Variants in MREG observed in about 807,000 individuals in gnomAD.
MREG encodes melanoregulin, also known as dilute suppressor protein homolog.
A neutral mutation model predicts 28.5 loss-of-function variants in MREG; 31 were observed. That is an observed-to-expected ratio of 1.09 (90% CI 0.82 to 1.47). The LOEUF (loss-of-function observed/expected upper bound fraction) is 1.47, where lower values mean the gene tolerates loss of function less well. Ranked by LOEUF, MREG falls within the 40% of genes most tolerant of loss-of-function variation. The pLI, the probability that MREG is intolerant of heterozygous loss-of-function variation, is 0.00. For synonymous variants in MREG, 106 were observed against 95.2 expected, an observed-to-expected ratio of 1.11 and a Z score of -0.66; for missense variants, 256 against 257.4, an observed-to-expected ratio of 0.99 and a Z score of 0.04.
At chr2:215,957,973 G>A (rs901057481) in intron 2 of MREG, among the ~76,000 whole-genome samples, 2 of 152,028 alleles carry the variant, frequency 1.3e-5, no homozygotes, top group African/African-American at 4.8e-5. Flanking sequence ...GGCTGAAGCT[G>A]GAAACCATCA....
At position 215,947,093 on chromosome 2, in the gene MREG, A is replaced by G. The variant is rs375479844; in HGVS notation, c.276T>C (p.Tyr92=). The change falls in exon 3 of 5, where the codon TAT becomes TAC. Residue 92 remains tyrosine (Y), a synonymous_variant. Transcript: ENST00000263268. ...GAACCTGCCGCAGGGTATGGATATC[A>G]TAGTTGAGCTTCTGCCACTCCTGCA... ...KDSEEWQKLN[Y]DIHTLRQVRR... 3.1e-6 allele frequency: 5 copies of G among 1,612,552 alleles called. No individual in the cohort carries two copies. Among genetic ancestry groups the G allele is most frequent in the Non-Finnish European group, 4.2e-6 (5 of 1,178,976 alleles).
Position 215,949,367 on chromosome 2 carries a change from C to T in MREG, c.256-2254G>A, listed in dbSNP as rs944392280. Among the ~76,000 whole-genome samples the T allele has an allele frequency of 4.0e-5, 6 of 151,744 alleles. No homozygotes were observed. In the East Asian group the frequency reaches 1.2e-3, roughly 29 times the overall value. On this transcript the variant is annotated intron_variant, in intron 2 of 4. Transcript: ENST00000263268. ...TTGAGGTCAGGAGTTTGAGACCAGCCTAGTCACTACGGTGAAACCCCGTCT... is the reference window on the plus strand; with the variant it reads ...TTGAGGTCAGGAGTTTGAGACCAGCTTAGTCACTACGGTGAAACCCCGTCT...
intron 2 of MREG, among the ~76,000 whole-genome samples, chr2:215,995,381 T>A (rs1024048004): frequency 6.6e-6 from 1 of 152,154 alleles, no homozygotes; most frequent in Non-Finnish European, 1.5e-5. Context: ...CCGGGACACA[T>A]GACACTTCTA....
intron 1 of MREG, among the ~76,000 whole-genome samples, chr2:216,011,009 T>C (rs184373915): frequency 6.7e-6 from 1 of 148,400 alleles, no homozygotes; most frequent in Non-Finnish European, 1.5e-5. Flanking sequence ...GGCAGGAGAA[T>C]GGTGTCAGCC....
At chr2:216,004,104 C>T (rs1223578174) in intron 1 of MREG, among the ~76,000 whole-genome samples, 20 of 152,168 alleles carry the variant, frequency 1.3e-4, no homozygotes, top group Admixed American at 1.3e-3. Flanking sequence ...TCAAGTCACA[C>T]TTTGACCTCA....
intron 2 of MREG, among the ~76,000 whole-genome samples, chr2:215,990,519 T>C (rs1007509095): frequency 6.6e-6 from 1 of 152,192 alleles, no homozygotes; most frequent in Non-Finnish European, 1.5e-5. Flanking sequence ...AGCATCATAA[T>C]GATGGGATCA....
At chr2:216,013,009 C>T (rs564172911) in intron 1 of MREG, among the ~76,000 whole-genome samples, 1 of 152,338 alleles carries the variant, frequency 6.6e-6, no homozygotes, top group South Asian at 2.1e-4. Context: ...AGACATCCAG[C>T]TGGGTCTCAG....
In MREG at chr2:215,980,656, G is replaced by A. The variant is rs183963502; in HGVS notation, c.255+15650C>T. Among the ~76,000 whole-genome samples, 427 of 152,246 alleles carry A rather than the reference G, an allele frequency of 2.8e-3. 2 individuals carry two copies. Among genetic ancestry groups the A allele is most frequent in the Non-Finnish European group, 4.9e-3 (333 of 68,002 alleles). ...TTAAGAAAAGTGATAGAGGCTGGGC[G>A]CAGTGGCTCATGCCTGTAATCCCAG... is the stretch of plus-strand genomic sequence containing the variant. On this transcript the variant is annotated intron_variant, in intron 2 of 4. Coordinates refer to ENST00000263268, the MANE Select transcript of MREG (RefSeq NM_018000.3).
intron 1 of MREG, among the ~76,000 whole-genome samples, chr2:216,022,378 T>C (rs1226846770): frequency 6.6e-6 from 1 of 152,154 alleles, no homozygotes; most frequent in Non-Finnish European, 1.5e-5. Flanking sequence ...GTTCCTACCA[T>C]GTGCTCTTCC....
chr2:215,974,258 C>T (rs1574616099), intron 2 of MREG, among the ~76,000 whole-genome samples: 5 of 152,220 alleles, frequency 3.3e-5, no homozygotes, highest in Admixed American at 1.3e-4. Context: ...ACCTGGCACC[C>T]AAAGGAAAGG....
chr2:215,982,460 G>C (rs150605975), intron 2 of MREG, among the ~76,000 whole-genome samples: 7 of 152,072 alleles, frequency 4.6e-5, no homozygotes, highest in African/African-American at 1.7e-4. Context: ...ACAGACCGAT[G>C]AACAGAACAT....
At chr2:215,999,973 A>G (rs1693972654) in intron 1 of MREG, among the ~76,000 whole-genome samples, 1 of 152,236 alleles carries the variant, frequency 6.6e-6, no homozygotes, top group Non-Finnish European at 1.5e-5. Flanking sequence ...AAGGAAGAGA[A>G]TAGGTGAGTC....
chr2:215,980,615 T>A (rs925747446), intron 2 of MREG, among the ~76,000 whole-genome samples: 1 of 152,130 alleles, frequency 6.6e-6, no homozygotes, highest in African/African-American at 2.4e-5. Flanking sequence ...TATTTTTTTA[T>A]TGAGCAATTT....
chr2:216,016,482 G>C (rs531208667), upstream of MREG, among the ~76,000 whole-genome samples: 6 of 152,298 alleles, frequency 3.9e-5, no homozygotes, highest in African/African-American at 1.4e-4. Flanking sequence ...GGAGCATTCA[G>C]CTCCTGGAAA....
intron 4 of MREG, 116 bp from the exon 5 acceptor site, chr2:215,945,113 G>C (rs1692286786): frequency 9.4e-7 from 1 of 1,064,148 alleles, no homozygotes; most frequent in Non-Finnish European, 1.3e-6. Flanking sequence ...CAATGAGCAA[G>C]TAAGACGTTT....
chr2:216,020,062 G>T (rs1224784426), intron 1 of MREG, among the ~76,000 whole-genome samples: 2 of 152,138 alleles, frequency 1.3e-5, no homozygotes, highest in Non-Finnish European at 2.9e-5. Flanking sequence ...AAGAGGAGTA[G>T]AGCACGGTAA....
At chr2:215,972,197 A>C (rs1693117795) in intron 2 of MREG, among the ~76,000 whole-genome samples, 1 of 152,120 alleles carries the variant, frequency 6.6e-6, no homozygotes, top group South Asian at 2.1e-4. Context: ...GGCTGCTCCA[A>C]CTCCAACGTG....
chr2:215,962,079 T>C (rs185694807), intron 2 of MREG, among the ~76,000 whole-genome samples: 63 of 152,364 alleles, frequency 4.1e-4, no homozygotes, highest in Admixed American at 2.4e-3. Flanking sequence ...AGTTTTGACC[T>C]AGAACAGGTC....
intron 2 of MREG, among the ~76,000 whole-genome samples, chr2:215,979,980 A>AC (rs1553551039): frequency 2.0e-5 from 3 of 146,956 alleles, no homozygotes; most frequent in Non-Finnish European, 3.0e-5. Context: ...CAAACAAACA[A>AC]AAAAAAAAAA....
Sources: gnomAD v4.1 joint callset for allele counts (sites outside exome capture counted in the v4.1 genomes callset) on GRCh38, gnomAD v4.1.1 for gene constraint, MANE v1.5 for transcripts, NCBI Gene and HGNC (gene_info 2026-07-23, HGNC 2026-07-21) for gene names.